The following RALYL variants were observed in gnomAD, a reference collection of about 807,000 sequenced individuals.
RALYL encodes the protein RNA-binding Raly-like protein.
RALYL carries 29 observed loss-of-function variants against 35.1 expected under a neutral mutation model. The observed-to-expected ratio is 0.83, with a 90% CI of 0.61 to 1.13. RALYL has a LOEUF of 1.13. Ranked by LOEUF, RALYL falls within the 50% of genes most tolerant of loss-of-function variation. RALYL has a pLI of 0.00. For synonymous variants in RALYL, 120 were observed against 127.6 expected, an observed-to-expected ratio of 0.94 and a Z score of 0.40; for missense variants, 359 against 360.4, an observed-to-expected ratio of 1.00 and a Z score of 0.03.
chr8:84,728,017 T>A (rs1378926712), intron 2 of RALYL, among the ~76,000 whole-genome samples: 1 of 151,814 alleles, frequency 6.6e-6, no homozygotes, highest in African/African-American at 2.4e-5. Flanking sequence ...TCAAATGGTA[T>A]TTCTAGTTCT....
chr8:84,504,954 A>T (rs2057037250), intron 1 of RALYL, among the ~76,000 whole-genome samples: 1 of 152,146 alleles, frequency 6.6e-6, no homozygotes, highest in African/African-American at 2.4e-5. Flanking sequence ...TTTTCTCAAC[A>T]TGTAAGTCAC....
At chr8:84,268,832 A>T (rs1489982613) in intron 1 of RALYL, among the ~76,000 whole-genome samples, 1 of 152,206 alleles carries the variant, frequency 6.6e-6, no homozygotes, top group African/African-American at 2.4e-5. Flanking sequence ...ATAAATGTTC[A>T]TTCTTTGGAA....
chr8:84,811,781 T>G (rs1336676698), intron 4 of RALYL, among the ~76,000 whole-genome samples: 1 of 152,226 alleles, frequency 6.6e-6, no homozygotes, highest in Non-Finnish European at 1.5e-5. Context: ...ACTTCAAATT[T>G]CTTTCTTCTA....
intron 2 of RALYL, among the ~76,000 whole-genome samples, chr8:84,752,826 G>T (rs576047420): frequency 1.3e-5 from 2 of 152,204 alleles, no homozygotes; most frequent in Admixed American, 6.5e-5. Flanking sequence ...AGATTTCAAC[G>T]GATGTATGGA....
In RALYL at chr8:84,408,966, T is replaced by C. The variant is rs185923254; in HGVS notation, c.-23-120333T>C. 2.7e-4 allele frequency among the ~76,000 whole-genome samples: 41 copies of C among 152,284 alleles called. 1 individual carries two copies. Among genetic ancestry groups the C allele is most frequent in the Admixed American group, 2.5e-3 (38 of 15,284 alleles). On this transcript the variant is annotated intron_variant, in intron 1 of 8. Transcript: ENST00000521268. ...ATAAATATTTTTAATAGTATCACCCTTAAATGCTTAGCACAATGCTATAAT... is the reference window on the plus strand; with the variant it reads ...ATAAATATTTTTAATAGTATCACCCCTAAATGCTTAGCACAATGCTATAAT...
intron 6 of RALYL, among the ~76,000 whole-genome samples, chr8:84,870,333 G>A (rs1408141905): frequency 6.7e-6 from 1 of 150,348 alleles, no homozygotes; most frequent in African/African-American, 2.4e-5. Flanking sequence ...ATCTTGGCTC[G>A]GTGCAATCTC....
At chr8:84,284,106 G>A (rs1315798968) in intron 1 of RALYL, among the ~76,000 whole-genome samples, 3 of 152,150 alleles carry the variant, frequency 2.0e-5, no homozygotes, top group Non-Finnish European at 4.4e-5. Flanking sequence ...AGTTGAAATA[G>A]TTGACAAAGT....
intron 2 of RALYL, among the ~76,000 whole-genome samples, chr8:84,769,297 T>G (rs1814849386): frequency 6.6e-6 from 1 of 152,212 alleles, no homozygotes; most frequent in Non-Finnish European, 1.5e-5. Context: ...GAGTGATTCT[T>G]GGGTCTTTCC....
chr8:84,334,084 A>G (rs1005523568), intron 1 of RALYL, among the ~76,000 whole-genome samples: 3 of 151,998 alleles, frequency 2.0e-5, no homozygotes, highest in Non-Finnish European at 4.4e-5. Flanking sequence ...GGGTTTAGCC[A>G]TGTTGCCCAG....
At chr8:84,393,416 A>AGATG (rs1307853437) in intron 1 of RALYL, among the ~76,000 whole-genome samples, 2 of 152,028 alleles carry the variant, frequency 1.3e-5, no homozygotes, top group African/African-American at 4.8e-5. Flanking sequence ...AAAAGGCAAT[A>AGATG]GATGGTCAGT....
At chr8:84,343,147 A>T (rs1849174251) in intron 1 of RALYL, among the ~76,000 whole-genome samples, 1 of 152,084 alleles carries the variant, frequency 6.6e-6, no homozygotes, top group Non-Finnish European at 1.5e-5. Flanking sequence ...CTCTATGAAA[A>T]TTTAAAGAAA....
chr8:84,325,399 A>G (rs1193924707), intron 1 of RALYL, among the ~76,000 whole-genome samples: 1 of 152,162 alleles, frequency 6.6e-6, no homozygotes, highest in African/African-American at 2.4e-5. Context: ...TAACTGATAA[A>G]ATTTGCCAAA....
At chr8:84,655,106 A>G (rs1330255700) in intron 2 of RALYL, among the ~76,000 whole-genome samples, 1 of 152,018 alleles carries the variant, frequency 6.6e-6, no homozygotes, top group Non-Finnish European at 1.5e-5. Context: ...AGGATTCATT[A>G]TTGCCTAGCT....
chr8:84,394,800 A>G lies in RALYL; in HGVS notation c.-23-134499A>G, dbSNP rs1861436363. ...AAAGGTTTTTTACAAAAATGATAGAAGTTCCAAATATTTTTTCCCAAGTTC... is the reference window on the plus strand; with the variant it reads ...AAAGGTTTTTTACAAAAATGATAGAGGTTCCAAATATTTTTTCCCAAGTTC... On this transcript the variant is annotated intron_variant, in intron 1 of 8. Transcript: ENST00000521268. 3.3e-5 allele frequency among the ~76,000 whole-genome samples: 5 copies of G among 152,094 alleles called. No individual in the cohort carries two copies. The South Asian group carries it at 1.0e-3, about 32-fold the overall frequency.
intron 1 of RALYL, among the ~76,000 whole-genome samples, chr8:84,347,364 C>G (rs1228259410): frequency 6.6e-6 from 1 of 151,908 alleles, no homozygotes; most frequent in Non-Finnish European, 1.5e-5. Flanking sequence ...CTCTGCTATC[C>G]TCAGCCACCC....
At chr8:84,519,758 T>C (rs533539114) in intron 1 of RALYL, among the ~76,000 whole-genome samples, 1 of 152,224 alleles carries the variant, frequency 6.6e-6, no homozygotes, top group East Asian at 1.9e-4. Flanking sequence ...AAGGGGATGA[T>C]ATGAATAAAG....
At chr8:84,519,140 T>C (rs2058275664) in intron 1 of RALYL, among the ~76,000 whole-genome samples, 1 of 152,216 alleles carries the variant, frequency 6.6e-6, no homozygotes, top group Non-Finnish European at 1.5e-5. Context: ...TTTGCTTTGT[T>C]CAAGTTCATT....
At chr8:84,613,862 A>T (rs1199841600) in intron 2 of RALYL, among the ~76,000 whole-genome samples, 8 of 144,746 alleles carry the variant, frequency 5.5e-5, no homozygotes, top group East Asian at 2.0e-4. Flanking sequence ...CTTCAGATTT[A>T]TATATATATA....
intron 2 of RALYL, among the ~76,000 whole-genome samples, chr8:84,620,127 C>G (rs201698721): frequency 0.029 from 3,298 of 114,466 alleles, no homozygotes; most frequent in African/African-American, 0.04. Context: ...TTTCCTGAAT[C>G]TGAATGTTGG....
Sources: gnomAD v4.1 joint callset for allele counts (sites outside exome capture counted in the v4.1 genomes callset) on GRCh38, gnomAD v4.1.1 for gene constraint, MANE v1.5 for transcripts, NCBI Gene and HGNC (gene_info 2026-07-23, HGNC 2026-07-21) for gene names.